Variants in ATP6V1B1 observed in about 807,000 individuals in gnomAD.
The protein encoded by ATP6V1B1 is V-type proton ATPase subunit B, kidney isoform.
A neutral mutation model predicts 62.1 loss-of-function variants in ATP6V1B1; 41 were observed. The ratio of observed to expected loss-of-function variants is 0.66; its 90% CI spans 0.51 to 0.86. The LOEUF (loss-of-function observed/expected upper bound fraction) is 0.86, where lower values mean the gene tolerates loss of function less well. ATP6V1B1 is among the 40% of genes least tolerant of loss of function. The probability of loss-of-function intolerance (pLI) is 0.00; values close to 1 mark genes in which losing one functional copy is unlikely to be tolerated. For synonymous variants in ATP6V1B1, 253 were observed against 273.4 expected (o/e 0.93, Z 0.74); for missense variants, 651 against 697.5 (o/e 0.93, Z 0.75).
chr2:70,957,598 T>A (rs545271272), intron 2 of ATP6V1B1, among the ~76,000 whole-genome samples: 3 of 147,688 alleles, frequency 2.0e-5, no homozygotes, highest in African/African-American at 8.0e-5. Context: ...GGCAGCCCAG[T>A]CATTATTACA....
chr2:70,964,976 C>T lies in ATP6V1B1; in HGVS notation c.1397C>T (p.Ser466Leu), dbSNP rs781804904. 8 of 1,613,848 alleles carry T rather than the reference C, an allele frequency of 5.0e-6. No homozygotes were observed. In the South Asian group the frequency reaches 6.6e-5, roughly 13 times the overall value. The change falls in exon 14 of 14, where the codon TCG (serine) becomes TTG (leucine). Residue 466 changes from serine to leucine, a missense_variant. Ser to Leu is a moderately radical substitution (Grantham distance 145). Coordinates refer to ENST00000234396, the MANE Select transcript of ATP6V1B1 (RefSeq NM_001692.4). ...FINQGPYENR[S>L]VFESLDLGWK... ...TCCCTAGGCCCCTACGAGAACCGCT[C>T]GGTGTTCGAGTCGCTGGACCTGGGC...
chr2:70,945,585 T>C lies in ATP6V1B1; in HGVS notation c.174+1872T>C, dbSNP rs1680138930. 2.0e-5 allele frequency among the ~76,000 whole-genome samples: 3 copies of C among 151,564 alleles called. No individual in the cohort carries two copies. The South Asian group carries it at 6.3e-4, about 32-fold the overall frequency. ...TACATATTCCTGAGGTACACAGTGA[T>C]GTTTTGATACATATAATGCATAGTG... On this transcript the variant is annotated intron_variant, in intron 2 of 13. Coordinates refer to ENST00000234396, the MANE Select transcript of ATP6V1B1 (RefSeq NM_001692.4).
intron 1 of ATP6V1B1, chr2:70,940,548 G>T: frequency 1.0e-6 from 1 of 985,462 alleles, no homozygotes; most frequent in Non-Finnish European, 1.2e-6. Context: ...CCATGTGGGT[G>T]TGGGAGTGCT....
At chr2:70,962,924 C>G (rs1553420368) in intron 9 of ATP6V1B1, 24 bp downstream of exon 9, 2 of 1,613,404 alleles carry the variant, frequency 1.2e-6, no homozygotes, top group South Asian at 2.2e-5. Context: ...CAAGGGGTGT[C>G]AGATTCCTCC....
intron 2 of ATP6V1B1, among the ~76,000 whole-genome samples, chr2:70,948,838 C>T (rs1456795964): frequency 2.0e-5 from 3 of 152,140 alleles, no homozygotes; most frequent in Non-Finnish European, 4.4e-5. Context: ...GGGCTGCAAA[C>T]CTAGTCTCAA....
At chr2:70,937,928 G>A (rs959023157) in intron 1 of ATP6V1B1, among the ~76,000 whole-genome samples, 4 of 152,042 alleles carry the variant, frequency 2.6e-5, no homozygotes, top group South Asian at 2.1e-4. Context: ...GGCTGTGCCC[G>A]CCCCCCATGT....
In ATP6V1B1 at chr2:70,959,648, G is replaced by A. The variant is rs912316195; in HGVS notation, c.446-291G>A. 6.6e-6 allele frequency among the ~76,000 whole-genome samples: 1 copy of A among 152,370 alleles called. No homozygotes were observed. The highest frequency in any genetic ancestry group is 1.5e-5 in the Non-Finnish European group (1 of 68,040). On this transcript the variant is annotated intron_variant, in intron 5 of 13. Coordinates refer to ENST00000234396, the MANE Select transcript of ATP6V1B1 (RefSeq NM_001692.4). The surrounding 1 kb of genome is among the most constrained non-coding windows in gnomAD (Gnocchi z 4.2). ...GAAGCCTCAGCCTGAGTTTCCACCT[G>A]CCTGCCACTTCCAAAGCACAAGGGC...
chr2:70,963,673 C>G lies in ATP6V1B1; in HGVS notation c.1143+19C>G, dbSNP rs782772808. 1.9e-6 allele frequency: 3 copies of G among 1,606,422 alleles called. No homozygotes were observed. The East Asian group carries it at 6.7e-5, about 36-fold the overall frequency. ...CAGACAGGTACTGCCCTGTCCCTACCCACTTCCTGCTCTCAGCCCAGAGAA... is the reference window on the plus strand; with the variant it reads ...CAGACAGGTACTGCCCTGTCCCTACGCACTTCCTGCTCTCAGCCCAGAGAA... On this transcript the variant is annotated intron_variant, in intron 11 of 13. Transcript: ENST00000234396. This position sits in a 1 kb window ranked among gnomAD's most constrained non-coding sequence, Gnocchi z 4.3.
Position 70,963,187 on chromosome 2 carries a change from C to T in ATP6V1B1, c.935C>T (p.Pro312Leu). Residue 312 changes from proline (P) to leucine (L), a missense_variant, in exon 10 of 14, where the codon CCT becomes CTT. Physicochemically the swap from Pro to Leu is moderately conservative, Grantham distance 98 (BLOSUM62 -3). Coordinates refer to ENST00000234396, the MANE Select transcript of ATP6V1B1 (RefSeq NM_001692.4). The surrounding 1 kb of genome is among the most constrained non-coding windows in gnomAD (Gnocchi z 4.3). ...REVSAAREEV[P>L]GRRGFPGYMY... ...GTCTCTGCTGCTAGAGAGGAGGTGC[C>T]TGGGCGCCGAGGGTTTCCTGGATAT... 6.2e-7 allele frequency: 1 copy of T among 1,614,156 alleles called. No homozygotes were observed. Among genetic ancestry groups the T allele is most frequent in the Non-Finnish European group, 8.5e-7 (1 of 1,180,038 alleles).
chr2:70,958,546 G>A (rs1442052309), intron 4 of ATP6V1B1, 120 bp downstream of exon 4: 38 of 988,802 alleles, frequency 3.8e-5, no homozygotes, highest in Non-Finnish European at 4.6e-5. Context: ...CTGTCTCTCT[G>A]GTGGGCTCTT....
chr2:70,962,072 T>C (rs1280740050), intron 8 of ATP6V1B1, among the ~76,000 whole-genome samples: 2 of 152,286 alleles, frequency 1.3e-5, no homozygotes, highest in East Asian at 3.9e-4. Flanking sequence ...ATGAAAACAA[T>C]TCTAATAAAC....
chr2:70,961,845 G>A (rs1275782258), intron 8 of ATP6V1B1, 152 bp downstream of exon 8: 20 of 770,852 alleles, frequency 2.6e-5, no homozygotes, highest in South Asian at 7.5e-5. Context: ...GGGAAACTGA[G>A]GCCTGGGAAG....
intron 2 of ATP6V1B1, among the ~76,000 whole-genome samples, chr2:70,954,347 C>G (rs576703799): frequency 1.3e-5 from 2 of 152,138 alleles, no homozygotes; most frequent in South Asian, 4.1e-4. Context: ...AGCTAGAATG[C>G]TTTTCTTTCC....
chr2:70,959,875 G>T lies in ATP6V1B1; in HGVS notation c.446-64G>T. On this transcript the variant is annotated intron_variant, in intron 5 of 13. Transcript: ENST00000234396. This position sits in a 1 kb window ranked among gnomAD's most constrained non-coding sequence, Gnocchi z 4.2. ...AGGGCGGCTCTGGAGTCTGGGGTCA[G>T]TGTCGAGGAGAGCAGGGAAGGGTTT... 6.2e-7 allele frequency: 1 copy of T among 1,613,352 alleles called. No homozygotes were observed. The highest frequency in any genetic ancestry group is 8.5e-7 in the Non-Finnish European group (1 of 1,179,702).
rs548013059 is a variant in ATP6V1B1 at position 70,965,266 on chromosome 2, A to C, written c.*145A>C. On this transcript the variant is annotated 3_prime_UTR_variant, in exon 14 of 14. Coordinates refer to ENST00000234396, the MANE Select transcript of ATP6V1B1 (RefSeq NM_001692.4). ...AGGTGGTGGGGGCGCCGCACGCTCC[A>C]TCCCTTTCCCTCGCTCGATTCCTTT... The C allele has an allele frequency of 3.2e-5, 37 of 1,153,648 alleles. No homozygotes were observed. The African/African-American group carries it at 5.2e-4, about 16-fold the overall frequency. 71.5% of individuals were successfully genotyped at this position (1,153,648 alleles called of 1,614,324 possible). A position where few individuals can be genotyped will look rare whatever the true frequency, so the allele number is the denominator to read the frequency against.
rs906035498 is a variant in ATP6V1B1, at chr2:70,965,216, C to T, written c.*95C>T. The T allele has an allele frequency of 6.6e-7, 1 of 1,521,084 alleles. No homozygotes were observed. The highest frequency in any genetic ancestry group is 1.1e-5 in the South Asian group (1 of 87,040). 94.2% of individuals were successfully genotyped at this position (1,521,084 alleles called of 1,614,324 possible). On this transcript the variant is annotated 3_prime_UTR_variant, in exon 14 of 14. Transcript: ENST00000234396. ...CCACCCCAACCAGCGGCTTCTGCGCCGCCCTCCGCCCTCCGCTGGCTCCGA... is the reference window on the plus strand; with the variant it reads ...CCACCCCAACCAGCGGCTTCTGCGCTGCCCTCCGCCCTCCGCTGGCTCCGA...
Position 70,944,243 on chromosome 2 carries a change from G to A in ATP6V1B1, c.174+530G>A, listed in dbSNP as rs782388737. The stretch of plus-strand genomic sequence containing the variant: ...GCAACATGGGTGGTAAGTGAAGTGG[G>A]CCCCACCAAAGGTAAGTGGGCTGTG... On this transcript the variant is annotated intron_variant, in intron 2 of 13. Transcript: ENST00000234396. 7.0e-6 allele frequency: 9 copies of A among 1,287,796 alleles called. No individual in the cohort carries two copies. In the South Asian group the frequency reaches 1.1e-4, roughly 16 times the overall value. The allele number at this position is 1,287,796 out of a possible 1,614,324, so 79.8% of individuals were successfully genotyped here. A position where few individuals can be genotyped will look rare whatever the true frequency, so the allele number is the denominator to read the frequency against.
Position 70,963,497 on chromosome 2 carries a change from A to G in ATP6V1B1, c.1061-75A>G. On this transcript the variant is annotated intron_variant, in intron 10 of 13. Transcript: ENST00000234396. This position sits in a 1 kb window ranked among gnomAD's most constrained non-coding sequence, Gnocchi z 4.3. ...CATCCCTATCACTCCCATGAGGGAAACAGACCCCAGGTGGCCCTGAGTGGT... is the reference window on the plus strand; with the variant it reads ...CATCCCTATCACTCCCATGAGGGAAGCAGACCCCAGGTGGCCCTGAGTGGT... The G allele has an allele frequency of 6.4e-7, 1 of 1,555,050 alleles. No homozygotes were observed. The highest frequency in any genetic ancestry group is 1.7e-5 in the Admixed American group (1 of 59,480).
rs1553415214 is a variant in ATP6V1B1, at chr2:70,935,914, C to T, written c.-41C>T. 6.4e-7 allele frequency: 1 copy of T among 1,558,854 alleles called. No individual in the cohort carries two copies. Among genetic ancestry groups the T allele is most frequent in the Non-Finnish European group, 8.8e-7 (1 of 1,136,200 alleles). ...CCTGAAGTCTCAGAGCTGCCACCAG[C>T]AGCAGGCTCAGACACTGGGCTCCCA... On this transcript the variant is annotated 5_prime_UTR_variant, in exon 1 of 14. Transcript: ENST00000234396.
Sources: allele counts gnomAD v4.1 joint callset (sites outside exome capture counted in the v4.1 genomes callset), GRCh38; gene constraint gnomAD v4.1.1; non-coding constraint Gnocchi (gnomAD v3.1); transcripts MANE v1.5; gene names NCBI Gene and HGNC (gene_info 2026-07-23, HGNC 2026-07-21).